The following DNAJC9 variants were observed in gnomAD, a reference collection of about 807,000 sequenced individuals.
DNAJC9 encodes the protein DnaJ heat shock protein family (Hsp40) member C9.
A neutral mutation model predicts 32.4 loss-of-function variants in DNAJC9; 18 were observed. The ratio of observed to expected loss-of-function variants is 0.56; its 90% confidence interval spans 0.38 to 0.82. DNAJC9 has a LOEUF of 0.82. Ranked by LOEUF, DNAJC9 falls within the 40% of genes least tolerant of loss-of-function variation. DNAJC9 has a pLI of 0.00. For synonymous variants in DNAJC9, 113 were observed against 122.1 expected (o/e 0.93, Z 0.49); for missense variants, 310 against 321.8 (o/e 0.96, Z 0.28).
intron 3 of DNAJC9, 181 bp from the exon 4 acceptor site, chr10:73,244,110 A>G: frequency 1.7e-6 from 1 of 587,932 alleles, no homozygotes; most frequent in East Asian, 3.0e-5. Context: ...CAAGCAGTAG[A>G]TCCTCTGATT....
rs1480632118 is a variant in DNAJC9, at chr10:73,242,214, T to C, written c.*1186A>G. 2 of 152,234 alleles carry C rather than the reference T, an allele frequency of 1.3e-5. No homozygotes were observed. The highest frequency in any genetic ancestry group is 2.9e-5 in the Non-Finnish European group (2 of 68,026). The allele number at this position is 152,234 out of a possible 1,614,324, so 9.4% of individuals were successfully genotyped here. On this transcript the variant is annotated 3_prime_UTR_variant, in exon 5 of 5. Coordinates refer to ENST00000372950, the MANE Select transcript of DNAJC9 (RefSeq NM_015190.5). ...TCACAAACCGAAAACGTGTCGTCTT[T>C]ACCTTAGAGCTAAAGGCTTACTTTA...
In DNAJC9 at chr10:73,246,087, G is replaced by T. The variant is rs2044004268; in HGVS notation, c.411C>A (p.Phe137Leu). The T allele has an allele frequency of 2.5e-6, 4 of 1,613,718 alleles. No homozygotes were observed. Among genetic ancestry groups the T allele is most frequent in the Non-Finnish European group, 3.4e-6 (4 of 1,179,908 alleles). The part of the protein sequence containing the change: ...LADIKQAYLD[F>L]KGDMDQIMES... Reference sequence around the variant, plus strand: ...CCATGATCTGATCCATGTCACCCTTGAAGTCCAGATAGGCCTGCTTAATAT... The same window carrying T: ...CCATGATCTGATCCATGTCACCCTTTAAGTCCAGATAGGCCTGCTTAATAT... Residue 137 changes from phenylalanine (F) to leucine (L), a missense_variant, in exon 3 of 5, where the codon TTC becomes TTA. Physicochemically the swap from Phe to Leu is conservative, Grantham distance 22. Transcript: ENST00000372950.
intron 4 of DNAJC9, 155 bp from the exon 5 acceptor site, chr10:73,243,674 TA>T: frequency 8.6e-7 from 1 of 1,158,508 alleles, no homozygotes; most frequent in Non-Finnish European, 1.2e-6. Flanking sequence ...TTAATAATTG[TA>T]AAACTTTGTA....
At chr10:73,246,305 GATTTTCT>G in intron 2 of DNAJC9, 129 bp from the exon 3 acceptor site, 1 of 1,007,758 alleles carries the variant, frequency 9.9e-7, no homozygotes, top group Non-Finnish European at 1.4e-6. Flanking sequence ...TATTGAACCA[GATTTTCT>G]ATGCCTAAGC....
downstream of DNAJC9, among the ~76,000 whole-genome samples, chr10:73,237,468 G>A (rs1173402299): frequency 6.6e-6 from 1 of 151,758 alleles, no homozygotes; most frequent in Non-Finnish European, 1.5e-5. Context: ...CCAGGCTAGA[G>A]TGCTGTGGTG....
chr10:73,236,691 T>G (rs2043829386), downstream of DNAJC9, among the ~76,000 whole-genome samples: 1 of 149,914 alleles, frequency 6.7e-6, no homozygotes, highest in Non-Finnish European at 1.5e-5. Flanking sequence ...TGATTATAGG[T>G]GTGAGCCACT....
In DNAJC9 at chr10:73,247,193, G is replaced by A. The variant is rs1564724476; in HGVS notation, c.-4C>T. On this transcript the variant is annotated 5_prime_UTR_variant, in exon 1 of 5. Coordinates refer to ENST00000372950, the MANE Select transcript of DNAJC9 (RefSeq NM_015190.5). ...CGCAAAGGTCCAGCAGCCCCATGCCGGGCGGAGATACGACCCCGGAGGAAG... is the reference window on the plus strand; with the variant it reads ...CGCAAAGGTCCAGCAGCCCCATGCCAGGCGGAGATACGACCCCGGAGGAAG... 1 of 1,587,908 alleles carries A rather than the reference G, an allele frequency of 6.3e-7. No individual in the cohort carries two copies. Among genetic ancestry groups the A allele is most frequent in the Non-Finnish European group, 8.6e-7 (1 of 1,168,230 alleles).
chr10:73,235,582 T>C, downstream of DNAJC9: 2 of 575,878 alleles, frequency 3.5e-6, no homozygotes, highest in Non-Finnish European at 5.5e-6. Context: ...GCAAGAATAT[T>C]AAATCCCAGT....
downstream of DNAJC9, among the ~76,000 whole-genome samples, chr10:73,240,354 G>T (rs981459682): frequency 6.6e-6 from 1 of 152,174 alleles, no homozygotes; most frequent in African/African-American, 2.4e-5. Flanking sequence ...GGTAGTCTTT[G>T]AATGCTTTTG....
At chr10:73,235,411 A>G, downstream of DNAJC9, 2 of 1,522,542 alleles carry the variant, frequency 1.3e-6, no homozygotes, top group Non-Finnish European at 1.8e-6. Context: ...TTTTATCTAG[A>G]GGCTTAACCC....
chr10:73,235,854 G>C (rs1166368511), downstream of DNAJC9, among the ~76,000 whole-genome samples: 2 of 152,048 alleles, frequency 1.3e-5, no homozygotes, highest in Non-Finnish European at 2.9e-5. Context: ...CTTTCTACTG[G>C]TGTTTTAAAT....
chr10:73,246,571 T>A (rs2133430577), intron 2 of DNAJC9, 117 bp downstream of exon 2: 2 of 1,247,980 alleles, frequency 1.6e-6, no homozygotes, highest in East Asian at 4.7e-5. Flanking sequence ...AAGGCCAAAC[T>A]CAAAATTCCT....
At chr10:73,246,858 C>T (rs1030618358) in intron 1 of DNAJC9, 30 bp from the exon 2 acceptor site, 1 of 1,611,542 alleles carries the variant, frequency 6.2e-7, no homozygotes, top group Non-Finnish European at 8.5e-7. Flanking sequence ...GTAAATCACC[C>T]CTGCTCCTCC....
chr10:73,240,963 T>C (rs1589201926), downstream of DNAJC9: 1 of 1,542,234 alleles, frequency 6.5e-7, no homozygotes, highest in African/African-American at 1.4e-5. Context: ...GTTACATGGG[T>C]CTACAAAATC....
chr10:73,235,153 AT>A, downstream of DNAJC9: 1 of 1,548,604 alleles, frequency 6.5e-7, no homozygotes, highest in Non-Finnish European at 8.7e-7. Context: ...CACATTACAG[AT>A]AGTTTTCACT....
chr10:73,246,877 C>T (rs775954432), intron 1 of DNAJC9, 49 bp from the exon 2 acceptor site: 4 of 1,609,392 alleles, frequency 2.5e-6, no homozygotes, highest in Non-Finnish European at 3.4e-6. Flanking sequence ...CCCACCGAAA[C>T]GGCGGCGCGA....
rs767038212 is a variant in DNAJC9, at chr10:73,243,366, T to G, written c.*34A>C. ...GCACCTTGCCTACGATGGCATCAAT[T>G]TACACCTAAGGACCTTTGAAGAGAA... On this transcript the variant is annotated 3_prime_UTR_variant, in exon 5 of 5. Coordinates refer to ENST00000372950, the MANE Select transcript of DNAJC9 (RefSeq NM_015190.5). The G allele has an allele frequency of 6.2e-7, 1 of 1,610,334 alleles. No individual in the cohort carries two copies. The highest frequency in any genetic ancestry group is 8.5e-7 in the Non-Finnish European group (1 of 1,179,398).
chr10:73,246,973 G>A, intron 1 of DNAJC9, 37 bp downstream of exon 1: 1 of 1,547,874 alleles, frequency 6.5e-7, no homozygotes, highest in Non-Finnish European at 8.7e-7. Context: ...GGGGAGGCCC[G>A]CGCAGCCGGT....
chr10:73,233,268 C>A, intron 2 of DNAJC9: 1 of 812,816 alleles, frequency 1.2e-6, no homozygotes, highest in Non-Finnish European at 2.0e-6. Context: ...AGAAACTAAT[C>A]ATTAAGTAGT....
Sources: gnomAD v4.1 joint callset for allele counts (sites outside exome capture counted in the v4.1 genomes callset) on GRCh38, gnomAD v4.1.1 for gene constraint, MANE v1.5 for transcripts, NCBI Gene and HGNC (gene_info 2026-07-23, HGNC 2026-07-21) for gene names.